THAP4: variants seen among roughly 807,000 people sequenced by gnomAD.
THAP4 encodes THAP domain containing 4, also known as peroxynitrite isomerase THAP4.
A neutral mutation model predicts 48.1 loss-of-function variants in THAP4; 18 were observed. The ratio of observed to expected loss-of-function variants is 0.37; its 90% confidence interval spans 0.26 to 0.56. The LOEUF is 0.56. THAP4 is among the 20% of genes least tolerant of loss of function. The probability of loss-of-function intolerance (pLI) is 0.78; values close to 1 mark genes in which losing one functional copy is unlikely to be tolerated. For synonymous variants in THAP4, 345 were observed against 324.9 expected, an observed-to-expected ratio of 1.06 and a Z score of -0.66; for missense variants, 656 against 774.9, an observed-to-expected ratio of 0.85 and a Z score of 1.82.
intron 5 of THAP4, 88 bp from the exon 6 acceptor site, chr2:241,584,813 C>A: frequency 6.5e-7 from 1 of 1,534,956 alleles, no homozygotes; most frequent in Non-Finnish European, 9.0e-7. Context: ...GCCACACACT[C>A]ATCACGGGCT....
chr2:241,635,150 T>C (rs570840829), intron 1 of THAP4, among the ~76,000 whole-genome samples: 1 of 152,216 alleles, frequency 6.6e-6, no homozygotes, highest in Non-Finnish European at 1.5e-5. Context: ...CTGGGAGCCG[T>C]GGCTCATGCC....
At chr2:241,592,675 A>G (rs890171076) in intron 5 of THAP4, among the ~76,000 whole-genome samples, 1 of 152,332 alleles carries the variant, frequency 6.6e-6, no homozygotes, top group African/African-American at 2.4e-5. Flanking sequence ...CACTTCCCCA[A>G]CATAAGCCTC....
intron 2 of THAP4, among the ~76,000 whole-genome samples, chr2:241,624,289 C>T (rs1053125599): frequency 6.6e-6 from 1 of 152,090 alleles, no homozygotes; most frequent in Non-Finnish European, 1.5e-5. Context: ...AGATCGAGAC[C>T]ATCCTGGCTA....
chr2:241,626,533 A>C (rs766078712), intron 2 of THAP4, among the ~76,000 whole-genome samples: 34 of 152,114 alleles, frequency 2.2e-4, no homozygotes, highest in Admixed American at 5.2e-4. Context: ...AGGAAAAAAA[A>C]CACTGTTATT....
Position 241,612,117 on chromosome 2 carries a change from G to A in THAP4, c.1241-5644C>T, listed in dbSNP as rs147689398. Among the ~76,000 whole-genome samples, 3,573 of 152,116 alleles carry A rather than the reference G, an allele frequency of 0.023. 203 individuals carry two copies. Among genetic ancestry groups the A allele is most frequent in the East Asian group, 0.19 (980 of 5,188 alleles). On this transcript the variant is annotated intron_variant, in intron 2 of 5. Coordinates refer to ENST00000407315, the MANE Select transcript of THAP4 (RefSeq NM_015963.6). The surrounding 1 kb of genome is among the most constrained non-coding windows in gnomAD (Gnocchi z 4.1). ...AGAAACGGCAAGGAAAGAGGAGAAGGTGAAACATGACCTGGCAGAAGTCGA... is the reference window on the plus strand; with the variant it reads ...AGAAACGGCAAGGAAAGAGGAGAAGATGAAACATGACCTGGCAGAAGTCGA...
chr2:241,622,093 G>A (rs543453019), intron 2 of THAP4, among the ~76,000 whole-genome samples: 1 of 152,212 alleles, frequency 6.6e-6, no homozygotes, highest in Non-Finnish European at 1.5e-5. Context: ...TATTTACGCG[G>A]GCGCGGTGGC....
intron 5 of THAP4, among the ~76,000 whole-genome samples, chr2:241,590,681 C>T (rs964664017): frequency 7.6e-5 from 11 of 145,116 alleles, no homozygotes; most frequent in African/African-American, 2.0e-4. Context: ...CAGAGCTGCT[C>T]GGCTGATGAT....
At position 241,621,640 on chromosome 2, in the gene THAP4, G is replaced by T. The variant is rs983410418; in HGVS notation, c.1240+11277C>A. On this transcript the variant is annotated intron_variant, in intron 2 of 5. Transcript: ENST00000407315. ...ACGGAAAAAAAAAATCAGAATATTG[G>T]AGAATTGTGGGGCAAAAGTGTTACA... Among the ~76,000 whole-genome samples, 12 of 152,130 alleles carry T rather than the reference G, an allele frequency of 7.9e-5. 1 individual carries two copies. Among genetic ancestry groups the T allele is most frequent in the African/African-American group, 2.9e-4 (12 of 41,432 alleles).
chr2:241,619,394 A>G (rs1357881924), intron 2 of THAP4, among the ~76,000 whole-genome samples: 2 of 152,200 alleles, frequency 1.3e-5, no homozygotes, highest in East Asian at 3.9e-4. Flanking sequence ...CAAGTTCATC[A>G]TTGTACAAAC....
chr2:241,588,409 C>A, intron 5 of THAP4, among the ~76,000 whole-genome samples: 1 of 152,158 alleles, frequency 6.6e-6, no homozygotes, highest in South Asian at 2.1e-4. Context: ...GAAAATGTTT[C>A]TAGAAACTGA....
intron 2 of THAP4, among the ~76,000 whole-genome samples, chr2:241,618,438 G>A (rs2067374143): frequency 6.6e-6 from 1 of 152,118 alleles, no homozygotes; most frequent in Non-Finnish European, 1.5e-5. Context: ...ACTAAAATGG[G>A]TAGCTTTCCC....
intron 5 of THAP4, among the ~76,000 whole-genome samples, chr2:241,593,976 C>A (rs866800577): frequency 6.6e-6 from 1 of 152,150 alleles, no homozygotes; most frequent in African/African-American, 2.4e-5. Context: ...TGAGCCACCA[C>A]GCGAGGCACA....
At position 241,636,406 on chromosome 2, in the gene THAP4, C is replaced by G. The variant is rs2125103232; in HGVS notation, c.77+535G>C. On this transcript the variant is annotated intron_variant, in intron 1 of 5. Transcript: ENST00000407315. ...CGCGGGGGCCCACGTGGGAAGCGGC[C>G]GAGAGCCCCGGGCCAGGCTCTAAGG... 2.6e-5 allele frequency among the ~76,000 whole-genome samples: 4 copies of G among 152,288 alleles called. No homozygotes were observed. The East Asian group carries it at 7.7e-4, about 29-fold the overall frequency.
In THAP4 at chr2:241,630,077, G is replaced by A. The variant is rs148573317; in HGVS notation, c.1240+2840C>T. Among the ~76,000 whole-genome samples the A allele has an allele frequency of 4.2e-3, 635 of 152,248 alleles. 5 individuals are homozygous for A. Among genetic ancestry groups the A allele is most frequent in the African/African-American group, 0.015 (605 of 41,536 alleles). On this transcript the variant is annotated intron_variant, in intron 2 of 5. Coordinates refer to ENST00000407315, the MANE Select transcript of THAP4 (RefSeq NM_015963.6). ...AGAACTCCTTCAGTCCTTACCATTA[G>A]ACCTTAATGCAATCAAATTTTAAAG...
At chr2:241,617,934 T>G (rs1265338143) in intron 2 of THAP4, among the ~76,000 whole-genome samples, 2 of 152,176 alleles carry the variant, frequency 1.3e-5, no homozygotes, top group Non-Finnish European at 2.9e-5. Context: ...GGACAGGAAG[T>G]GAGCAAATGC....
In THAP4 at chr2:241,633,538, C is replaced by T. The variant is rs142582018; in HGVS notation, c.619G>A (p.Glu207Lys). 581 of 1,614,038 alleles carry T rather than the reference C, an allele frequency of 3.6e-4. No individual in the cohort carries two copies. Among genetic ancestry groups the T allele is most frequent in the African/African-American group, 9.9e-4 (74 of 75,042 alleles). Residue 207 changes from glutamate (E) to lysine (K), a missense_variant, in exon 2 of 6, where the codon GAA (glutamate) becomes AAA (lysine). By Grantham distance (56) the Glu-to-Lys change is moderately conservative (BLOSUM62 1). Coordinates refer to ENST00000407315, the MANE Select transcript of THAP4 (RefSeq NM_015963.6). This position sits in a 1 kb window ranked among gnomAD's most constrained non-coding sequence, Gnocchi z 7.5. ...AGDESATSSI[E>K]GGVTDKSGIS... ...CCACTCTTATCTGTCACGCCCCCTT[C>T]GATGGAGGAAGTGGCGCTCTCATCG...
intron 2 of THAP4, among the ~76,000 whole-genome samples, chr2:241,624,331 C>CA (rs1426713687): frequency 6.6e-6 from 1 of 151,862 alleles, no homozygotes; most frequent in Admixed American, 6.6e-5. Context: ...ACTAAAAATA[C>CA]AAAAAATTAG....
At chr2:241,617,590 A>G in intron 2 of THAP4, 1 of 901,570 alleles carries the variant, frequency 1.1e-6, no homozygotes, top group South Asian at 1.6e-5. Flanking sequence ...TCTCAGAAGA[A>G]AGTAAAAGAC....
Position 241,633,335 on chromosome 2 carries a change from C to G in THAP4, c.822G>C (p.Leu274=), listed in dbSNP as rs1352466471. 1.9e-6 allele frequency: 3 copies of G among 1,612,556 alleles called. No individual in the cohort carries two copies. The highest frequency in any genetic ancestry group is 8.5e-7 in the Non-Finnish European group (1 of 1,180,012). The change falls in exon 2 of 6, where the codon CTG becomes CTC. Residue 274 remains leucine, a synonymous_variant. Transcript: ENST00000407315. This position sits in a 1 kb window ranked among gnomAD's most constrained non-coding sequence, Gnocchi z 7.5. ...TCTGGGCCAGGCCCTTGTCGGGTCC[C>G]AGGCTGCTCCCACTGCAGCTTGGTT... The part of the protein sequence containing the change: ...DVEPSCSGSS[L]GPDKGLAQSP...
Sources: gnomAD v4.1 joint callset for allele counts (sites outside exome capture counted in the v4.1 genomes callset) on GRCh38, gnomAD v4.1.1 for gene constraint, Gnocchi (gnomAD v3.1) non-coding constraint, MANE v1.5 for transcripts, NCBI Gene and HGNC (gene_info 2026-07-23, HGNC 2026-07-21) for gene names.